Variants in TMEM63C observed in about 807,000 individuals in gnomAD.
TMEM63C encodes the protein transmembrane protein 63C, also known as osmosensitive cation channel TMEM63C.
A neutral mutation model predicts 99.2 loss-of-function variants in TMEM63C; 32 were observed. That is an observed-to-expected ratio of 0.32 (90% CI 0.24 to 0.43). The LOEUF is 0.43. TMEM63C is among the 20% of genes least tolerant of loss of function. The pLI is 1.00. For missense variants in TMEM63C, 826 were observed against 1,053.0 expected, an observed-to-expected ratio of 0.78 and a Z score of 2.98; for synonymous variants, 376 against 397.9, an observed-to-expected ratio of 0.94 and a Z score of 0.66.
chr14:77,221,820 G>A (rs956064129), intron 5 of TMEM63C, among the ~76,000 whole-genome samples: 1 of 151,152 alleles, frequency 6.6e-6, no homozygotes, highest in Admixed American at 6.6e-5. Context: ...CATCTTGCCT[G>A]CGTTCTCTGA....
intron 7 of TMEM63C, 63 bp from the exon 8 acceptor site, chr14:77,233,389 A>C: frequency 6.4e-7 from 1 of 1,564,266 alleles, no homozygotes; most frequent in East Asian, 2.3e-5. Flanking sequence ...AGGAACCTTG[A>C]ATTCTGGCGC....
rs548958299 is a variant in TMEM63C at position 77,206,264 on chromosome 14, G to A, written c.-76-7182G>A. 5.9e-5 allele frequency among the ~76,000 whole-genome samples: 9 copies of A among 152,262 alleles called. No homozygotes were observed. In the South Asian group the frequency reaches 6.2e-4, roughly 11 times the overall value. Reference sequence around the variant, plus strand: ...AGGGGCAGGGCAGGGGGCTGGGGAGGCTGCCCCTGCCTGCCCTAGTGAGAG... The same window carrying A: ...AGGGGCAGGGCAGGGGGCTGGGGAGACTGCCCCTGCCTGCCCTAGTGAGAG... On this transcript the variant is annotated intron_variant, in intron 1 of 23. Coordinates refer to ENST00000298351, the MANE Select transcript of TMEM63C (RefSeq NM_020431.4).
At chr14:77,186,230 C>T (rs1267744915) in intron 1 of TMEM63C, among the ~76,000 whole-genome samples, 1 of 152,102 alleles carries the variant, frequency 6.6e-6, no homozygotes, top group Non-Finnish European at 1.5e-5. Flanking sequence ...CCAGGCTAGT[C>T]TCAAACTCCT....
rs1381560924 is a variant in TMEM63C at position 77,248,558 on chromosome 14, G to A, written c.1764+49G>A. 6 of 1,555,740 alleles carry A rather than the reference G, an allele frequency of 3.9e-6. No homozygotes were observed. In the African/African-American group the frequency reaches 8.2e-5, roughly 21 times the overall value. ...CACAGCCCTCAGTTTCCTTTGGGAG[G>A]GTGTCAGGGATAGAGCCTGCTAGAA... On this transcript the variant is annotated intron_variant, in intron 19 of 23. Transcript: ENST00000298351.
chr14:77,256,367 G>T (rs1379834949), intron 23 of TMEM63C, among the ~76,000 whole-genome samples, 159 bp from the exon 24 acceptor site: 1 of 152,238 alleles, frequency 6.6e-6, no homozygotes, highest in Non-Finnish European at 1.5e-5. Context: ...ACAATTAGGT[G>T]GGTGGGACAG....
At chr14:77,249,780 A>C (rs897951137) in intron 21 of TMEM63C, among the ~76,000 whole-genome samples, 5 of 152,240 alleles carry the variant, frequency 3.3e-5, no homozygotes, top group Admixed American at 3.3e-4. Flanking sequence ...TGGGAGGCTC[A>C]GTTCCCATGA....
At chr14:77,248,071 C>T (rs1345283857) in intron 18 of TMEM63C, among the ~76,000 whole-genome samples, 3 of 152,336 alleles carry the variant, frequency 2.0e-5, no homozygotes, top group Non-Finnish European at 2.9e-5. Context: ...TTGGATCAAG[C>T]CAATGCATGT....
intron 1 of TMEM63C, among the ~76,000 whole-genome samples, chr14:77,210,719 C>T (rs1888481590): frequency 6.6e-6 from 1 of 152,178 alleles, no homozygotes; most frequent in Admixed American, 6.5e-5. Flanking sequence ...AGTGGATGCC[C>T]ATGACCAGGA....
At chr14:77,255,668 C>G (rs140851947) in intron 23 of TMEM63C, among the ~76,000 whole-genome samples, 1 of 152,320 alleles carries the variant, frequency 6.6e-6, no homozygotes, top group African/African-American at 2.4e-5. Context: ...AATTTACACT[C>G]AGAGAGATGT....
At position 77,253,238 on chromosome 14, in the gene TMEM63C, T is replaced by A. The variant is rs955443871; in HGVS notation, c.2149-67T>A. 15 of 1,460,134 alleles carry A rather than the reference T, an allele frequency of 1.0e-5. 1 individual carries two copies. In the South Asian group the frequency reaches 1.7e-4, roughly 16 times the overall value. 90.4% of individuals were successfully genotyped at this position (1,460,134 alleles called of 1,614,324 possible). A position where few individuals can be genotyped will look rare whatever the true frequency, so the allele number is the denominator to read the frequency against. Reference sequence around the variant, plus strand: ...AGAAGCCCAGGTGTGGAGTTGAGGCTCCTCTGGATGAATGGGGAGGGGCAA... The same window carrying A: ...AGAAGCCCAGGTGTGGAGTTGAGGCACCTCTGGATGAATGGGGAGGGGCAA... On this transcript the variant is annotated intron_variant, in intron 22 of 23. Coordinates refer to ENST00000298351, the MANE Select transcript of TMEM63C (RefSeq NM_020431.4).
At chr14:77,225,211 C>T (rs1027570640) in intron 5 of TMEM63C, among the ~76,000 whole-genome samples, 2 of 152,226 alleles carry the variant, frequency 1.3e-5, no homozygotes, top group Admixed American at 1.3e-4. Context: ...TTTCCTATAA[C>T]AGGAGGGCAG....
intron 1 of TMEM63C, among the ~76,000 whole-genome samples, chr14:77,182,216 C>T (rs564204597): frequency 6.6e-6 from 1 of 152,150 alleles, no homozygotes; most frequent in East Asian, 2.0e-4. Flanking sequence ...GGCCTCCTGC[C>T]TGACAGCCAG....
intron 1 of TMEM63C, among the ~76,000 whole-genome samples, chr14:77,194,527 T>TTCTC (rs1189922746): frequency 2.2e-5 from 1 of 45,358 alleles, no homozygotes; most frequent in African/African-American, 8.4e-5. Flanking sequence ...CTTTCTTTCT[T>TTCTC]TCTTTCTTTC....
rs139202231 is a variant in TMEM63C, at chr14:77,245,763, A to G, written c.1449-177A>G. ...AAGACCCACCCCCCATAATTCAATC[A>G]TCTCCCACTGGGTCCCTCCCACAAC... On this transcript the variant is annotated intron_variant, in intron 16 of 23. Coordinates refer to ENST00000298351, the MANE Select transcript of TMEM63C (RefSeq NM_020431.4). 2.8e-3 allele frequency among the ~76,000 whole-genome samples: 422 copies of G among 152,256 alleles called. 2 individuals are homozygous for G. Among genetic ancestry groups the G allele is most frequent in the African/African-American group, 9.8e-3 (406 of 41,542 alleles).
At chr14:77,195,583 A>T (rs527740358) in intron 1 of TMEM63C, among the ~76,000 whole-genome samples, 1 of 152,296 alleles carries the variant, frequency 6.6e-6, no homozygotes, top group African/African-American at 2.4e-5. Context: ...CTCCTCCTGC[A>T]GATGATTCTG....
intron 7 of TMEM63C, 55 bp from the exon 8 acceptor site, chr14:77,233,397 C>G: frequency 6.3e-7 from 1 of 1,578,706 alleles, no homozygotes; most frequent in South Asian, 1.1e-5. Flanking sequence ...TGAATTCTGG[C>G]GCCCCCAGCA....
intron 1 of TMEM63C, among the ~76,000 whole-genome samples, chr14:77,190,161 A>C (rs1007014324): frequency 6.6e-6 from 1 of 152,090 alleles, no homozygotes; most frequent in Non-Finnish European, 1.5e-5. Context: ...GGCCATATGT[A>C]AATCCAGTTG....
At chr14:77,248,585 C>T (rs1180470979) in intron 19 of TMEM63C, 76 bp downstream of exon 19, 1 of 1,538,614 alleles carries the variant, frequency 6.5e-7, no homozygotes, top group Non-Finnish European at 8.8e-7. Context: ...CTGCTAGAAG[C>T]ACCAAGGGGG....
At position 77,248,339 on chromosome 14, in the gene TMEM63C, C is replaced by T; in HGVS notation, c.1602-8C>T. 2 of 1,604,086 alleles carry T rather than the reference C, an allele frequency of 1.2e-6. No homozygotes were observed. The highest frequency in any genetic ancestry group is 1.7e-6 in the Non-Finnish European group (2 of 1,174,848). On this transcript the variant is annotated splice_region_variant and splice_polypyrimidine_tract_variant and intron_variant, in intron 18 of 23. Coordinates refer to ENST00000298351, the MANE Select transcript of TMEM63C (RefSeq NM_020431.4). ...CTGTTGCCACCTTCCCTCTCCCTCA[C>T]TGCCCAGGTGTGTGTTCCTGCCAGA...
Sources: allele counts gnomAD v4.1 joint callset (sites outside exome capture counted in the v4.1 genomes callset), GRCh38; gene constraint gnomAD v4.1.1; transcripts MANE v1.5; gene names NCBI Gene and HGNC (gene_info 2026-07-23, HGNC 2026-07-21).